PDGFD: variants seen among roughly 807,000 people sequenced by gnomAD.
PDGFD encodes platelet-derived growth factor D.
A neutral mutation model predicts 44.7 loss-of-function variants in PDGFD; 30 were observed. The observed-to-expected ratio is 0.67, with a 90% CI of 0.50 to 0.91. The LOEUF is 0.91. Among genes scored for constraint, PDGFD ranks in the 40% least tolerant of loss-of-function variants. The pLI, the probability that PDGFD is intolerant of heterozygous loss-of-function variation, is 0.00. For synonymous variants in PDGFD, 173 were observed against 168.4 expected, an observed-to-expected ratio of 1.03 and a Z score of -0.21; for missense variants, 445 against 457.8, an observed-to-expected ratio of 0.97 and a Z score of 0.25.
intron 3 of PDGFD, among the ~76,000 whole-genome samples, chr11:103,954,708 A>G (rs1490838364): frequency 1.3e-5 from 2 of 152,104 alleles, no homozygotes; most frequent in Non-Finnish European, 2.9e-5. Flanking sequence ...TTCACTTCTC[A>G]GAGGCAGAAA....
chr11:103,994,488 G>T (rs762404989), intron 3 of PDGFD, among the ~76,000 whole-genome samples: 2 of 152,062 alleles, frequency 1.3e-5, no homozygotes, highest in Non-Finnish European at 2.9e-5. Flanking sequence ...CAGTGTTACC[G>T]CATGTTATTT....
rs556286943 is a variant in PDGFD, at chr11:104,155,691, A to C, written c.124+8113T>G. Among the ~76,000 whole-genome samples the C allele has an allele frequency of 6.6e-5, 10 of 152,316 alleles. 1 individual carries two copies. In the South Asian group the frequency reaches 2.1e-3, roughly 32 times the overall value. On this transcript the variant is annotated intron_variant, in intron 1 of 6. Transcript: ENST00000393158. Reference sequence around the variant, plus strand: ...TCTGTGACACTGATTTTAGCTTTTAAGTGGATTTGTTGCATATTGGTTAGT... The same window carrying C: ...TCTGTGACACTGATTTTAGCTTTTACGTGGATTTGTTGCATATTGGTTAGT...
At chr11:103,939,182 C>T (rs1858541993) in intron 5 of PDGFD, among the ~76,000 whole-genome samples, 1 of 152,044 alleles carries the variant, frequency 6.6e-6, no homozygotes, top group Admixed American at 6.5e-5. Flanking sequence ...TATTCCTACC[C>T]ATGAGCATGG....
rs73614226 is a variant in PDGFD, at chr11:103,932,539, A to G, written c.773-5413T>C. Among the ~76,000 whole-genome samples, 691 of 152,314 alleles carry G rather than the reference A, an allele frequency of 4.5e-3. 5 individuals are homozygous for G. Among genetic ancestry groups the G allele is most frequent in the African/African-American group, 0.016 (676 of 41,578 alleles). On this transcript the variant is annotated intron_variant, in intron 5 of 6. Coordinates refer to ENST00000393158, the MANE Select transcript of PDGFD (RefSeq NM_025208.5). ...CAGGTGCTTCTCTTCTATTGAACTA[A>G]AAAAGTTGTTGGAGGTAGAGAGCTA...
intron 3 of PDGFD, among the ~76,000 whole-genome samples, chr11:103,971,816 T>C (rs1031878019): frequency 7.9e-5 from 12 of 152,218 alleles, no homozygotes; most frequent in Non-Finnish European, 1.0e-4. Context: ...AGTTGTAACA[T>C]TGACTACATC....
intron 3 of PDGFD, among the ~76,000 whole-genome samples, chr11:103,982,454 G>A (rs1859285731): frequency 6.6e-6 from 1 of 151,438 alleles, no homozygotes; most frequent in South Asian, 2.1e-4. Context: ...GCATGTATGT[G>A]GGTTTTTATG....
At chr11:103,920,206 C>G (rs1418292977) in intron 6 of PDGFD, among the ~76,000 whole-genome samples, 1 of 152,210 alleles carries the variant, frequency 6.6e-6, no homozygotes, top group Non-Finnish European at 1.5e-5. Context: ...GAGTTTATAA[C>G]ATGCTCATGA....
intron 3 of PDGFD, among the ~76,000 whole-genome samples, chr11:103,966,848 G>A (rs1859028081): frequency 6.6e-6 from 1 of 151,902 alleles, no homozygotes; most frequent in Admixed American, 6.6e-5. Context: ...GATAACCCTT[G>A]ATGCTTTCAC....
At chr11:103,938,398 G>T (rs1488347631) in intron 5 of PDGFD, among the ~76,000 whole-genome samples, 2 of 152,130 alleles carry the variant, frequency 1.3e-5, no homozygotes, top group East Asian at 3.8e-4. Flanking sequence ...TTTTGATGGG[G>T]TTCTTTGTTT....
chr11:103,934,686 G>A (rs1284561703), intron 5 of PDGFD, among the ~76,000 whole-genome samples: 1 of 152,142 alleles, frequency 6.6e-6, no homozygotes, highest in Non-Finnish European at 1.5e-5. Flanking sequence ...TAGGGGAACT[G>A]CCCTTTATAA....
chr11:103,996,947 A>G (rs1385423277), intron 2 of PDGFD, among the ~76,000 whole-genome samples: 3 of 152,226 alleles, frequency 2.0e-5, no homozygotes, highest in East Asian at 1.9e-4. Flanking sequence ...CGGAGAAACT[A>G]GAATCCTGGG....
At chr11:103,970,300 T>A (rs1463943183) in intron 3 of PDGFD, among the ~76,000 whole-genome samples, 1 of 152,126 alleles carries the variant, frequency 6.6e-6, no homozygotes, top group East Asian at 1.9e-4. Flanking sequence ...TAAGTTTTAA[T>A]AAAAAGTTGC....
intron 1 of PDGFD, among the ~76,000 whole-genome samples, chr11:104,103,662 A>G (rs1861430701): frequency 6.6e-6 from 1 of 151,780 alleles, no homozygotes; most frequent in Admixed American, 6.6e-5. Flanking sequence ...AAAATATCCT[A>G]TTGCCTAAAG....
intron 5 of PDGFD, among the ~76,000 whole-genome samples, chr11:103,933,988 T>A (rs570582685): frequency 2.6e-5 from 4 of 152,254 alleles, no homozygotes; most frequent in South Asian, 2.1e-4. Context: ...AAAAATTTTT[T>A]AAAAAACAAG....
At chr11:103,995,361 C>A (rs541744846) in intron 3 of PDGFD, among the ~76,000 whole-genome samples, 1 of 152,272 alleles carries the variant, frequency 6.6e-6, no homozygotes, top group Admixed American at 6.5e-5. Context: ...TGACCCATGA[C>A]TGTGTGTGAC....
intron 1 of PDGFD, among the ~76,000 whole-genome samples, chr11:104,085,190 A>G (rs1490965745): frequency 6.6e-6 from 1 of 152,052 alleles, no homozygotes; most frequent in East Asian, 1.9e-4. Context: ...TTCTGTCACC[A>G]CAAAGAAACC....
At position 104,063,344 on chromosome 11, in the gene PDGFD, A is replaced by G. The variant is rs143144694; in HGVS notation, c.125-63089T>C. On this transcript the variant is annotated intron_variant, in intron 1 of 6. Coordinates refer to ENST00000393158, the MANE Select transcript of PDGFD (RefSeq NM_025208.5). The stretch of plus-strand genomic sequence containing the variant: ...TGAGAGAGAGAGGAGAGAGAGAGAG[A>G]GAGAGAGAATTTACTTTGATAAACA... 3.4e-3 allele frequency among the ~76,000 whole-genome samples: 520 copies of G among 151,774 alleles called. 4 individuals are homozygous for G. The highest frequency in any genetic ancestry group is 0.021 in the Middle Eastern group (6 of 292).
At position 104,114,866 on chromosome 11, in the gene PDGFD, A is replaced by G. The variant is rs576872249; in HGVS notation, c.124+48938T>C. Among the ~76,000 whole-genome samples the G allele has an allele frequency of 1.3e-4, 20 of 150,794 alleles. No homozygotes were observed. In the South Asian group the frequency reaches 4.0e-3, roughly 30 times the overall value. ...ATTTTGGGAAGTGCTAATTTAAATC[A>G]TAACATTTTTAGGTTTTTTTTTTTG... On this transcript the variant is annotated intron_variant, in intron 1 of 6. Coordinates refer to ENST00000393158, the MANE Select transcript of PDGFD (RefSeq NM_025208.5).
chr11:104,158,688 C>G (rs1862344647), intron 1 of PDGFD, among the ~76,000 whole-genome samples: 1 of 151,480 alleles, frequency 6.6e-6, no homozygotes, highest in African/African-American at 2.4e-5. Flanking sequence ...AAAAAATTAA[C>G]CGGTCATGGT....
Sources: allele counts gnomAD v4.1 joint callset (sites outside exome capture counted in the v4.1 genomes callset), GRCh38; gene constraint gnomAD v4.1.1; transcripts MANE v1.5; gene names NCBI Gene and HGNC (gene_info 2026-07-23, HGNC 2026-07-21).